The following DBH variants were observed in gnomAD, a reference collection of about 807,000 sequenced individuals.
The protein encoded by DBH is dopamine beta-hydroxylase (dopamine beta-monooxygenase).
In DBH, 49 loss-of-function variants were observed where a neutral mutation model predicts 64.0. The observed-to-expected ratio is 0.77, with a 90% CI of 0.61 to 0.97. DBH has a LOEUF of 0.97. Ranked by LOEUF, DBH falls within the 50% of genes least tolerant of loss-of-function variation. DBH has a pLI of 0.00. For synonymous variants in DBH, 343 were observed against 347.1 expected (o/e 0.99, Z 0.13); for missense variants, 828 against 826.6 (o/e 1.00, Z -0.02).
Position 133,652,238 on chromosome 9 carries a change from T to C in DBH, c.1336-8T>C, listed in dbSNP as rs1236143194. The C allele has an allele frequency of 6.8e-6, 11 of 1,613,722 alleles. No individual in the cohort carries two copies. The highest frequency in any genetic ancestry group is 9.3e-6 in the Non-Finnish European group (11 of 1,180,016). On this transcript the variant is annotated splice_polypyrimidine_tract_variant and splice_region_variant and intron_variant, in intron 7 of 11. Transcript: ENST00000393056. ...CTCTCCCCCACCCCTCGGCTCTGCCTGCCCCAGGAGATCCGCATGTTGAAG... is the reference window on the plus strand; with the variant it reads ...CTCTCCCCCACCCCTCGGCTCTGCCCGCCCCAGGAGATCCGCATGTTGAAG...
intron 2 of DBH, 61 bp downstream of exon 2, chr9:133,640,053 G>A (rs1832100643): frequency 1.3e-6 from 2 of 1,598,172 alleles, no homozygotes; most frequent in East Asian, 4.5e-5. Flanking sequence ...CTGCCATCCT[G>A]TGCCAATGTC....
intron 6 of DBH, among the ~76,000 whole-genome samples, chr9:133,650,644 T>G (rs1832238465): frequency 6.7e-6 from 1 of 150,252 alleles, no homozygotes; most frequent in African/African-American, 2.5e-5. Flanking sequence ...GCCTCCCGGG[T>G]TCAAGTGATT....
chr9:133,656,780 C>A (rs1832327273), intron 10 of DBH, 130 bp downstream of exon 10: 1 of 1,199,380 alleles, frequency 8.3e-7, no homozygotes. Context: ...GGCGGCATCA[C>A]TCACCCCTCC....
At chr9:133,652,695 T>C (rs1832265458) in intron 8 of DBH, among the ~76,000 whole-genome samples, 1 of 152,146 alleles carries the variant, frequency 6.6e-6, no homozygotes, top group Non-Finnish European at 1.5e-5. Flanking sequence ...GCACCCCCAC[T>C]GGCCTGGGCC....
rs1375908894 is a variant in DBH at position 133,651,631 on chromosome 9, C to T, written c.1192-3C>T. 6.2e-7 allele frequency: 1 copy of T among 1,613,554 alleles called. No homozygotes were observed. Among genetic ancestry groups the T allele is most frequent in the Non-Finnish European group, 8.5e-7 (1 of 1,180,018 alleles). On this transcript the variant is annotated splice_region_variant and splice_polypyrimidine_tract_variant and intron_variant, in intron 6 of 11. Coordinates refer to ENST00000393056, the MANE Select transcript of DBH (RefSeq NM_000787.4). The stretch of plus-strand genomic sequence containing the variant: ...CTGACACTGCAGCCCCCCGACCCCA[C>T]AGGCACTGCCTCCCTCCGGGATCCA...
chr9:133,645,631 C>T lies in DBH; in HGVS notation c.1024+1311C>T, dbSNP rs539620218. Reference sequence around the variant, plus strand: ...GTAATCAGCCTGGAGATACAGGAGCCGTTTGAGTTTGGATGGTGTAGGGGT... The same window carrying T: ...GTAATCAGCCTGGAGATACAGGAGCTGTTTGAGTTTGGATGGTGTAGGGGT... On this transcript the variant is annotated intron_variant, in intron 5 of 11. Coordinates refer to ENST00000393056, the MANE Select transcript of DBH (RefSeq NM_000787.4). Among the ~76,000 whole-genome samples, 3 of 152,148 alleles carry T rather than the reference C, an allele frequency of 2.0e-5. No homozygotes were observed. The South Asian group carries it at 6.2e-4, about 32-fold the overall frequency.
At position 133,644,224 on chromosome 9, in the gene DBH, T is replaced by A; in HGVS notation, c.928T>A (p.Tyr310Asn). ...GACACCTTGCCCCACACAGGCATTTTACTACCCAGAGGAAGCCGGCCTTGC... is the reference window on the plus strand; with the variant it reads ...GACACCTTGCCCCACACAGGCATTTAACTACCCAGAGGAAGCCGGCCTTGC... ...AAWALGAKAF[Y>N]YPEEAGLAFG... The change falls in exon 5 of 12, where the codon TAC becomes AAC. Residue 310 changes from tyrosine to asparagine, a missense_variant. Physicochemically the swap from Tyr to Asn is moderately radical, Grantham distance 143. Transcript: ENST00000393056. The A allele has an allele frequency of 6.2e-7, 1 of 1,613,990 alleles. No individual in the cohort carries two copies. The highest frequency in any genetic ancestry group is 8.5e-7 in the Non-Finnish European group (1 of 1,179,824).
chr9:133,647,704 C>T lies in DBH; in HGVS notation c.1025-142C>T. 6 of 986,374 alleles carry T rather than the reference C, an allele frequency of 6.1e-6. No individual in the cohort carries two copies. In the South Asian group the frequency reaches 8.4e-5, roughly 14 times the overall value. The allele number at this position is 986,374 out of a possible 1,614,324, so 61.1% of individuals were successfully genotyped here. A position where few individuals can be genotyped will look rare whatever the true frequency, so the allele number is the denominator to read the frequency against. Reference sequence around the variant, plus strand: ...CAAAGACAGCCAGCTCTTGGTCTGCCTAGCAGGTGGGAGCAGATGGGGGGT... The same window carrying T: ...CAAAGACAGCCAGCTCTTGGTCTGCTTAGCAGGTGGGAGCAGATGGGGGGT... On this transcript the variant is annotated intron_variant, in intron 5 of 11. Coordinates refer to ENST00000393056, the MANE Select transcript of DBH (RefSeq NM_000787.4).
chr9:133,648,462 A>G (rs183677585), intron 6 of DBH, among the ~76,000 whole-genome samples: 92 of 152,370 alleles, frequency 6.0e-4, no homozygotes, highest in African/African-American at 2.1e-3. Context: ...TGCAGGTGTT[A>G]GAAACCTTTT....
chr9:133,657,432 AGGAGAGAGAGG>A (rs1832342114), intron 11 of DBH: 1 of 362,150 alleles, frequency 2.8e-6, no homozygotes, highest in African/African-American at 2.9e-5. Flanking sequence ...GAGGAGAGAG[AGGAGAGAGAGG>A]AGAGAGAGGA....
chr9:133,653,585 C>T (rs1216689172), intron 9 of DBH, among the ~76,000 whole-genome samples: 1 of 152,006 alleles, frequency 6.6e-6, no homozygotes, highest in African/African-American at 2.4e-5. Context: ...TGCGGGAAGG[C>T]CCAGAGGACC....
chr9:133,648,691 G>C (rs1254407161), intron 6 of DBH, among the ~76,000 whole-genome samples: 1 of 152,240 alleles, frequency 6.6e-6, no homozygotes, highest in East Asian at 1.9e-4. Flanking sequence ...TGGAGGCACA[G>C]GTTGGCGCTT....
At chr9:133,651,586 G>C in intron 6 of DBH, 48 bp from the exon 7 acceptor site, 1 of 1,610,704 alleles carries the variant, frequency 6.2e-7, no homozygotes, top group South Asian at 1.1e-5. Flanking sequence ...GGACGGGAGG[G>C]TCCCCTCGGG....
At position 133,643,386 on chromosome 9, in the gene DBH, C is replaced by CGGGCTCAGAGGGCTGCCTCCT. The variant is rs1832140229; in HGVS notation, c.745-26_745-6dup. 6.2e-7 allele frequency: 1 copy of CGGGCTCAGAGGGCTGCCTCCT among 1,613,102 alleles called. No individual in the cohort carries two copies. Among genetic ancestry groups the CGGGCTCAGAGGGCTGCCTCCT allele is most frequent in the Non-Finnish European group, 8.5e-7 (1 of 1,179,832 alleles). On this transcript the variant is annotated intron_variant, in intron 3 of 11. Transcript: ENST00000393056. The surrounding 1 kb of genome is among the most constrained non-coding windows in gnomAD (Gnocchi z 5.3). ...GAGGGGAGGGTGGGCGGCCGGTTCCCGGGCTCAGAGGGCTGCCTCCTCACA... is the reference window on the plus strand; with the variant it reads ...GAGGGGAGGGTGGGCGGCCGGTTCCCGGGCTCAGAGGGCTGCCTCCTGGGCTCAGAGGGCTGCCTCCTCACA...
chr9:133,636,933 T>C (rs138655500), intron 1 of DBH, among the ~76,000 whole-genome samples: 1 of 152,278 alleles, frequency 6.6e-6, no homozygotes, highest in African/African-American at 2.4e-5. Context: ...GGTCCTTGAC[T>C]GCCCGCCCCA....
At chr9:133,638,843 C>T (rs2131282743) in intron 1 of DBH, among the ~76,000 whole-genome samples, 1 of 152,274 alleles carries the variant, frequency 6.6e-6, no homozygotes, top group African/African-American at 2.4e-5. Context: ...TTGGGGAAGG[C>T]TCCTCGCTGT....
rs991102496 is a variant in DBH, at chr9:133,659,184, G to C, written c.*737G>C. 4.6e-5 allele frequency: 7 copies of C among 152,268 alleles called. No homozygotes were observed. The highest frequency in any genetic ancestry group is 8.8e-5 in the Non-Finnish European group (6 of 68,086). 9.4% of individuals were successfully genotyped at this position (152,268 alleles called of 1,614,324 possible). ...CTGAACAGACCGGGGTGGAGTCAGG[G>C]CTGTGCTTTCCGCGTGGTTCTGCCA... On this transcript the variant is annotated 3_prime_UTR_variant, in exon 12 of 12. Coordinates refer to ENST00000393056, the MANE Select transcript of DBH (RefSeq NM_000787.4).
chr9:133,658,835 A>ACGCCCC lies in DBH; in HGVS notation c.*401_*406dup, dbSNP rs555745963. The ACGCCCC allele has an allele frequency of 2.8e-3, 453 of 160,364 alleles. No individual in the cohort carries two copies. The highest frequency in any genetic ancestry group is 8.3e-3 in the African/African-American group (348 of 41,828). The allele number at this position is 160,364 out of a possible 1,614,324, so 9.9% of individuals were successfully genotyped here. A position where few individuals can be genotyped will look rare whatever the true frequency, so the allele number is the denominator to read the frequency against. On this transcript the variant is annotated 3_prime_UTR_variant, in exon 12 of 12. Transcript: ENST00000393056. Reference sequence around the variant, plus strand: ...GGGCCGGGGTGTGGAATCACCGGGAACGCCCCCGCCCCCGCCCCGCTGCTC... The same window carrying ACGCCCC: ...GGGCCGGGGTGTGGAATCACCGGGAACGCCCCCGCCCCCGCCCCCGCCCCGCTGCTC...
chr9:133,643,699 A>AGG lies in DBH; in HGVS notation c.921+114_921+115dup, dbSNP rs759805085. On this transcript the variant is annotated intron_variant, in intron 4 of 11. Coordinates refer to ENST00000393056, the MANE Select transcript of DBH (RefSeq NM_000787.4). The surrounding 1 kb of genome is among the most constrained non-coding windows in gnomAD (Gnocchi z 5.3). The stretch of plus-strand genomic sequence containing the variant: ...CAGAGGCTTCAAGAAGGGGCTCCCA[A>AGG]GGGGGCTCACGAGGCCACCAGAAGG... 2 of 1,337,204 alleles carry AGG rather than the reference A, an allele frequency of 1.5e-6. No homozygotes were observed. Among genetic ancestry groups the AGG allele is most frequent in the African/African-American group, 2.9e-5 (2 of 68,576 alleles). 82.8% of individuals were successfully genotyped at this position (1,337,204 alleles called of 1,614,324 possible). A position where few individuals can be genotyped will look rare whatever the true frequency, so the allele number is the denominator to read the frequency against.
Sources: gnomAD v4.1 joint callset for allele counts (sites outside exome capture counted in the v4.1 genomes callset) on GRCh38, gnomAD v4.1.1 for gene constraint, Gnocchi (gnomAD v3.1) non-coding constraint, MANE v1.5 for transcripts, NCBI Gene and HGNC (gene_info 2026-07-23, HGNC 2026-07-21) for gene names.